The following INTS1 variants were observed in gnomAD, a reference collection of about 807,000 sequenced individuals.
INTS1 encodes the protein integrator complex subunit 1.
Under a neutral mutation model 241.6 loss-of-function variants are expected in INTS1, and 137 were observed. The observed-to-expected ratio is 0.57, with a 90% CI of 0.49 to 0.65. INTS1 has a LOEUF of 0.65. Among genes scored for constraint, INTS1 ranks in the 30% least tolerant of loss-of-function variants. The pLI is 0.00. For missense variants in INTS1, 3,073 were observed against 3,032.2 expected (o/e 1.01, Z -0.32); for synonymous variants, 1,692 against 1,337.8 (o/e 1.26, Z -5.78).
chr7:1,479,502 ACCG>A lies in INTS1; in HGVS notation c.4254_4256del (p.Gly1419del). 1 of 1,572,420 alleles carries A rather than the reference ACCG, an allele frequency of 6.4e-7. No individual in the cohort carries two copies. Among genetic ancestry groups the A allele is most frequent in the Non-Finnish European group, 8.6e-7 (1 of 1,160,152 alleles). On this transcript the variant is annotated inframe_deletion, in exon 31 of 48. Coordinates refer to ENST00000404767, the MANE Select transcript of INTS1 (RefSeq NM_001080453.3). ...TACGGTGCATGGACATCACCAGGGC[ACCG>A]CCGTGTGGGGAGCTGAGCAGGGTGG...
chr7:1,497,561 AT>A lies in INTS1; in HGVS notation c.1426-248del, dbSNP rs1441480661. On this transcript the variant is annotated intron_variant, in intron 10 of 47. Coordinates refer to ENST00000404767, the MANE Select transcript of INTS1 (RefSeq NM_001080453.3). The surrounding 1 kb of genome is among the most constrained non-coding windows in gnomAD (Gnocchi z 5.3). ...GGTCCTCGTGAAATGAGGAGGATTA[AT>A]TAACGGAAGCTGGGGGTGCGGGACA... 1.3e-5 allele frequency among the ~76,000 whole-genome samples: 2 copies of A among 152,110 alleles called. No homozygotes were observed. Among genetic ancestry groups the A allele is most frequent in the East Asian group, 3.9e-4 (2 of 5,158 alleles).
chr7:1,480,710 T>A (rs1781951389), intron 29 of INTS1, 125 bp downstream of exon 29: 1 of 805,354 alleles, frequency 1.2e-6, no homozygotes, highest in East Asian at 2.7e-5. Context: ...TCAGGTGGCA[T>A]CAGCAAGTGT....
At chr7:1,503,252 G>T in intron 2 of INTS1, 61 bp from the exon 3 acceptor site, 3 of 1,467,598 alleles carry the variant, frequency 2.0e-6, no homozygotes, top group Non-Finnish European at 2.7e-6. Flanking sequence ...GAAAAAGACT[G>T]ACTCTAACCT....
At chr7:1,492,391 G>A (rs1056689698) in intron 16 of INTS1, among the ~76,000 whole-genome samples, 3 of 152,204 alleles carry the variant, frequency 2.0e-5, no homozygotes, top group Non-Finnish European at 2.9e-5. Flanking sequence ...CAAAAGGGCC[G>A]CTCTACAGAG....
intron 2 of INTS1, 63 bp downstream of exon 2, chr7:1,503,840 T>TCCCCAAAGTC: frequency 1.4e-5 from 13 of 897,924 alleles, no homozygotes; most frequent in South Asian, 3.2e-5. Context: ...GCAGCTGAGA[T>TCCCCAAAGTC]CCCCAAAGAC....
chr7:1,489,768 A>T, intron 16 of INTS1, 86 bp from the exon 17 acceptor site: 1 of 963,544 alleles, frequency 1.0e-6, no homozygotes, highest in Admixed American at 2.9e-5. Flanking sequence ...AAGCTGGGGC[A>T]GGGACGGTGC....
chr7:1,482,985 C>A (rs1304244339), intron 26 of INTS1: 2 of 424,266 alleles, frequency 4.7e-6, no homozygotes, highest in Non-Finnish European at 8.5e-6. Flanking sequence ...AGCCCCTGCC[C>A]TCGGGGCTTT....
At position 1,477,535 on chromosome 7, in the gene INTS1, C is replaced by G. The variant is rs778522833; in HGVS notation, c.4938+15G>C. 20 of 1,497,184 alleles carry G rather than the reference C, an allele frequency of 1.3e-5. 1 individual carries two copies. The African/African-American group carries it at 2.1e-4, about 16-fold the overall frequency. The allele number at this position is 1,497,184 out of a possible 1,614,324, so 92.7% of individuals were successfully genotyped here. A position where few individuals can be genotyped will look rare whatever the true frequency, so the allele number is the denominator to read the frequency against. Reference sequence around the variant, plus strand: ...CCTGGGGTGGGTCCCCGTGCTGAAGCTGGGTGCCACCCACCTTCCTCCGGG... The same window carrying G: ...CCTGGGGTGGGTCCCCGTGCTGAAGGTGGGTGCCACCCACCTTCCTCCGGG... On this transcript the variant is annotated intron_variant, in intron 35 of 47. Coordinates refer to ENST00000404767, the MANE Select transcript of INTS1 (RefSeq NM_001080453.3).
In INTS1 at chr7:1,489,407, A is replaced by T. The variant is rs1414976496; in HGVS notation, c.2258-3T>A. ...GTACTCCTCCCACGCAGCCAGGCCTAGGGAACCGGAGGGTGTGGGGCTGGC... is the reference window on the plus strand; with the variant it reads ...GTACTCCTCCCACGCAGCCAGGCCTTGGGAACCGGAGGGTGTGGGGCTGGC... On this transcript the variant is annotated splice_polypyrimidine_tract_variant and splice_region_variant and intron_variant, in intron 17 of 47. Coordinates refer to ENST00000404767, the MANE Select transcript of INTS1 (RefSeq NM_001080453.3). 1.2e-6 allele frequency: 2 copies of T among 1,604,976 alleles called. No individual in the cohort carries two copies.
intron 10 of INTS1, 167 bp downstream of exon 10, chr7:1,498,245 G>A (rs1225238462): frequency 1.5e-5 from 15 of 1,032,806 alleles, no homozygotes; most frequent in South Asian, 6.5e-5. Flanking sequence ...CTCTAGAAAC[G>A]GCTCAACCTC....
Position 1,497,188 on chromosome 7 carries a change from C to G in INTS1, c.1552G>C (p.Gly518Arg). 1 of 1,611,854 alleles carries G rather than the reference C, an allele frequency of 6.2e-7. No individual in the cohort carries two copies. Among genetic ancestry groups the G allele is most frequent in the Non-Finnish European group, 8.5e-7 (1 of 1,179,286 alleles). The change falls in exon 11 of 48, where the codon GGG (glycine) becomes CGG (arginine). Residue 518 changes from glycine to arginine, a missense_variant. Coordinates refer to ENST00000404767, the MANE Select transcript of INTS1 (RefSeq NM_001080453.3). This position sits in a 1 kb window ranked among gnomAD's most constrained non-coding sequence, Gnocchi z 5.3. ...GGCTCCTTGCGCTCCTGCATGAGCC[C>G]CAGGCAGAAGGCCTGGAAGTTGATC... Reference protein sequence around the residue: ...HEINFQAFCLGLMQERKEPQY... With the variant: ...HEINFQAFCLRLMQERKEPQY...
At chr7:1,486,510 C>T in intron 22 of INTS1, 115 bp downstream of exon 22, 1 of 1,198,226 alleles carries the variant, frequency 8.3e-7, no homozygotes, top group Admixed American at 2.5e-5. Context: ...GGTAATCTGC[C>T]TGCCTTGGCC....
chr7:1,489,724 G>A (rs1297196000), intron 16 of INTS1, 42 bp from the exon 17 acceptor site: 1 of 1,375,568 alleles, frequency 7.3e-7, no homozygotes, highest in African/African-American at 1.5e-5. Context: ...AGCGCACCAA[G>A]CTCAGCGCCA....
At chr7:1,503,840 TCCCCAAAGACCCCCAAAGAC>T in intron 2 of INTS1, 43 bp downstream of exon 2, 1 of 897,926 alleles carries the variant, frequency 1.1e-6, no homozygotes, top group South Asian at 1.6e-5. Flanking sequence ...GCAGCTGAGA[TCCCCAAAGACCCCCAAAGAC>T]CCCCAAAGAC....
At chr7:1,489,132 G>A (rs910389452) in intron 18 of INTS1, among the ~76,000 whole-genome samples, 4 of 151,596 alleles carry the variant, frequency 2.6e-5, no homozygotes, top group East Asian at 3.9e-4. Flanking sequence ...CCGTGATGCC[G>A]CCTCAATCCA....
In INTS1 at chr7:1,480,837, C is replaced by A. The variant is rs956252857; in HGVS notation, c.3947G>T (p.Arg1316Leu). ...CTGGCCCCACCCCTCCCCAGTACCT[C>A]GGCGGGGCGGCAGGGAGGCTGTGAG... The part of the protein sequence containing the change: ...SLLTASLPPR[R>L]DSTEAPKPKS... Residue 1316 changes from arginine to leucine, a missense_variant and splice_region_variant, in exon 29 of 48, where the codon CGA becomes CTA. Physicochemically the swap from Arg to Leu is moderately radical, Grantham distance 102. Transcript: ENST00000404767. The A allele has an allele frequency of 5.3e-5, 82 of 1,550,580 alleles. No homozygotes were observed. Among genetic ancestry groups the A allele is most frequent in the Non-Finnish European group, 7.1e-5 (82 of 1,147,864 alleles).
chr7:1,499,213 C>A, intron 7 of INTS1, 42 bp downstream of exon 7: 1 of 1,604,102 alleles, frequency 6.2e-7, no homozygotes. Flanking sequence ...GAGGCGCCCG[C>A]CCCCGCCGCC....
Position 1,504,004 on chromosome 7 carries a change from G to A in INTS1, c.-41-3C>T, listed in dbSNP as rs1783337056. ...GCTCCCGGCGGCTGCGGCGTCACCT[G>A]CGGAGGAGCCAGCGTGCGGTCATTC... is the stretch of plus-strand genomic sequence containing the variant. On this transcript the variant is annotated splice_region_variant and splice_polypyrimidine_tract_variant and intron_variant, in intron 1 of 47. Coordinates refer to ENST00000404767, the MANE Select transcript of INTS1 (RefSeq NM_001080453.3). The A allele has an allele frequency of 1.4e-6, 2 of 1,443,034 alleles. No homozygotes were observed. The highest frequency in any genetic ancestry group is 1.8e-4 in the Middle Eastern group (1 of 5,664). The allele number at this position is 1,443,034 out of a possible 1,614,324, so 89.4% of individuals were successfully genotyped here.
chr7:1,489,221 A>C (rs916456553), intron 18 of INTS1, 123 bp downstream of exon 18: 27 of 709,714 alleles, frequency 3.8e-5, no homozygotes, highest in Non-Finnish European at 6.1e-5. Context: ...TCCATGAGTC[A>C]ACAGAAGATG....
Sources: gnomAD v4.1 joint callset for allele counts (sites outside exome capture counted in the v4.1 genomes callset) on GRCh38, gnomAD v4.1.1 for gene constraint, Gnocchi (gnomAD v3.1) non-coding constraint, MANE v1.5 for transcripts, NCBI Gene and HGNC (gene_info 2026-07-23, HGNC 2026-07-21) for gene names.